The following MORN5 variants were observed in gnomAD, a reference collection of about 807,000 sequenced individuals.
The protein encoded by MORN5 is MORN repeat-containing protein 5.
Under a neutral mutation model 22.1 loss-of-function variants are expected in MORN5, and 21 were observed. That is an observed-to-expected ratio of 0.95 (90% CI 0.67 to 1.37). The LOEUF is 1.37. Ranked by LOEUF, MORN5 falls within the 40% of genes most tolerant of loss-of-function variation. MORN5 has a pLI of 0.00. For synonymous variants in MORN5, 73 were observed against 74.0 expected, an observed-to-expected ratio of 0.99 and a Z score of 0.07; for missense variants, 211 against 215.1, an observed-to-expected ratio of 0.98 and a Z score of 0.12.
At chr9:122,186,637 C>T (rs2118775864) in intron 4 of MORN5, among the ~76,000 whole-genome samples, 1 of 152,264 alleles carries the variant, frequency 6.6e-6, no homozygotes, top group South Asian at 2.1e-4. Flanking sequence ...TGGAAATTCC[C>T]CTTCCAGCCA....
chr9:122,177,770 C>T (rs1262283237), intron 4 of MORN5, among the ~76,000 whole-genome samples: 1 of 152,208 alleles, frequency 6.6e-6, no homozygotes, highest in African/African-American at 2.4e-5. Context: ...CCTTTTGTTG[C>T]TCAGCATCCA....
intron 4 of MORN5, among the ~76,000 whole-genome samples, chr9:122,188,825 A>T (rs1829697946): frequency 6.6e-6 from 1 of 152,218 alleles, no homozygotes; most frequent in African/African-American, 2.4e-5. Flanking sequence ...GAATGTGAGG[A>T]CACTGCATCA....
At chr9:122,177,365 G>T (rs1399649809) in intron 4 of MORN5, among the ~76,000 whole-genome samples, 2 of 152,226 alleles carry the variant, frequency 1.3e-5, no homozygotes, top group African/African-American at 4.8e-5. Flanking sequence ...ATGTAATTCA[G>T]ACAGTTCCAG....
rs1310491980 is a variant in MORN5, at chr9:122,166,858, G to A, written c.138G>A (p.Leu46=). The A allele has an allele frequency of 1.1e-5, 17 of 1,613,954 alleles. No individual in the cohort carries two copies. The highest frequency in any genetic ancestry group is 1.4e-5 in the Non-Finnish European group (16 of 1,179,946). ...GCATGTTTCACGGCGAGGGAACCCT[G>A]TACTTCCCCAGCGGAAGCCAATACG... ...KDGMFHGEGT[L]YFPSGSQYDA... is the part of the protein sequence containing the mutation. Residue 46 remains leucine (L), a synonymous_variant, in exon 2 of 5, where the codon CTG becomes CTA. Transcript: ENST00000373764.
chr9:122,182,133 G>A (rs1206492673), intron 4 of MORN5, among the ~76,000 whole-genome samples: 1 of 152,182 alleles, frequency 6.6e-6, no homozygotes, highest in Non-Finnish European at 1.5e-5. Flanking sequence ...AACTTTGAAG[G>A]TCTACCTTCC....
intron 3 of MORN5, among the ~76,000 whole-genome samples, chr9:122,169,966 G>A (rs966559616): frequency 6.6e-6 from 1 of 152,218 alleles, no homozygotes; most frequent in Admixed American, 6.5e-5. Flanking sequence ...CCATGGGCAA[G>A]GGACTTTACC....
At chr9:122,171,630 C>T (rs1829366912) in intron 3 of MORN5, among the ~76,000 whole-genome samples, 1 of 152,172 alleles carries the variant, frequency 6.6e-6, no homozygotes, top group Non-Finnish European at 1.5e-5. Flanking sequence ...AACTTGTTTG[C>T]ACTGAATTCA....
rs757893598 is a variant in MORN5 at position 122,199,880 on chromosome 9, T to C, written c.440-5T>C. The C allele has an allele frequency of 6.2e-7, 1 of 1,613,876 alleles. No homozygotes were observed. Among genetic ancestry groups the C allele is most frequent in the Non-Finnish European group, 8.5e-7 (1 of 1,179,808 alleles). On this transcript the variant is annotated splice_region_variant and splice_polypyrimidine_tract_variant and intron_variant, in intron 4 of 4. Coordinates refer to ENST00000373764, the MANE Select transcript of MORN5 (RefSeq NM_198469.4). ...GCATGACCAGCTCTTCCTCTTTCCT[T>C]GCAGATGATGACGAGCATGAGTGGA...
intron 4 of MORN5, among the ~76,000 whole-genome samples, chr9:122,185,053 G>A (rs1180373366): frequency 6.6e-6 from 1 of 152,062 alleles, no homozygotes; most frequent in Non-Finnish European, 1.5e-5. Flanking sequence ...CAATGAACAA[G>A]TCTTTCTTTT....
intron 4 of MORN5, among the ~76,000 whole-genome samples, chr9:122,191,512 G>A (rs1460466777): frequency 1.3e-5 from 2 of 152,126 alleles, no homozygotes; most frequent in East Asian, 1.9e-4. Context: ...CCACATACAC[G>A]CGGAGCTGGG....
At chr9:122,171,916 G>A (rs1428983417) in intron 3 of MORN5, among the ~76,000 whole-genome samples, 2 of 149,226 alleles carry the variant, frequency 1.3e-5, no homozygotes, top group Non-Finnish European at 3.0e-5. Context: ...GCGCCCTTGA[G>A]GTCATTCTCC....
chr9:122,161,568 A>G (rs1321279653), intron 1 of MORN5, among the ~76,000 whole-genome samples: 1 of 152,220 alleles, frequency 6.6e-6, no homozygotes, highest in Non-Finnish European at 1.5e-5. Context: ...AGGAAGTAAC[A>G]GAGTCAGGAT....
chr9:122,187,294 A>G (rs755086882), intron 4 of MORN5, among the ~76,000 whole-genome samples: 40 of 152,220 alleles, frequency 2.6e-4, no homozygotes, highest in Non-Finnish European at 5.3e-4. Flanking sequence ...GCCTCCTCCC[A>G]TCTGCTTTTA....
At chr9:122,175,842 C>T (rs1036967928) in intron 4 of MORN5, 2 of 428,082 alleles carry the variant, frequency 4.7e-6, no homozygotes, top group African/African-American at 2.1e-5. Context: ...AGGCCGGGCG[C>T]GGTGGCTCAT....
At chr9:122,191,479 TGAG>T (rs1191316339) in intron 4 of MORN5, among the ~76,000 whole-genome samples, 3 of 152,164 alleles carry the variant, frequency 2.0e-5, no homozygotes, top group Non-Finnish European at 4.4e-5. Flanking sequence ...TCTCACTCAC[TGAG>T]GAGAGGACGA....
At chr9:122,196,987 T>G (rs555211888) in intron 4 of MORN5, among the ~76,000 whole-genome samples, 379 of 152,164 alleles carry the variant, frequency 2.5e-3, no homozygotes, top group Non-Finnish European at 3.7e-3. Flanking sequence ...TGGCACATAA[T>G]TATTTGTTAA....
chr9:122,181,983 C>T (rs1347629107), intron 4 of MORN5, among the ~76,000 whole-genome samples: 3 of 152,274 alleles, frequency 2.0e-5, no homozygotes, highest in South Asian at 2.1e-4. Flanking sequence ...CTCTAGGTGC[C>T]TGAGAGGAGT....
intron 2 of MORN5, among the ~76,000 whole-genome samples, chr9:122,168,257 A>G (rs1030662679): frequency 1.3e-5 from 2 of 152,216 alleles, no homozygotes; most frequent in Admixed American, 6.5e-5. Context: ...GTTAGCTCTT[A>G]TTACCACCAT....
chr9:122,184,517 G>T (rs2118772115), intron 4 of MORN5, among the ~76,000 whole-genome samples: 1 of 152,148 alleles, frequency 6.6e-6, no homozygotes, highest in East Asian at 1.9e-4. Context: ...TCTTACTACA[G>T]AATACAATGC....
Sources: allele counts gnomAD v4.1 joint callset (sites outside exome capture counted in the v4.1 genomes callset), GRCh38; gene constraint gnomAD v4.1.1; transcripts MANE v1.5; gene names NCBI Gene and HGNC (gene_info 2026-07-23, HGNC 2026-07-21).